Variants in SCN10A observed in about 807,000 individuals in gnomAD.
SCN10A encodes sodium voltage-gated channel alpha subunit 10.
SCN10A carries 162 observed loss-of-function variants against 170.7 expected under a neutral mutation model. That is an observed-to-expected ratio of 0.95 (90% CI 0.84 to 1.08). The LOEUF (loss-of-function observed/expected upper bound fraction) is 1.08, where lower values mean the gene tolerates loss of function less well. SCN10A is among the 50% of genes least tolerant of loss of function. The pLI, the probability that SCN10A is intolerant of heterozygous loss-of-function variation, is 0.00. For synonymous variants in SCN10A, 985 were observed against 904.6 expected (o/e 1.09, Z -1.59); for missense variants, 2,527 against 2,436.9 (o/e 1.04, Z -0.78).
At chr3:38,699,936 C>G (rs2063139465) in intron 27 of SCN10A, among the ~76,000 whole-genome samples, 1 of 152,096 alleles carries the variant, frequency 6.6e-6, no homozygotes, top group Non-Finnish European at 1.5e-5. Context: ...GGATTCCTGC[C>G]CCAGCGGATG....
intron 24 of SCN10A, 75 bp from the exon 25 acceptor site, chr3:38,709,690 G>A (rs1390363024): frequency 2.4e-5 from 33 of 1,348,370 alleles, no homozygotes; most frequent in Non-Finnish European, 2.6e-5. Flanking sequence ...CCAAGCCTAA[G>A]ACATGGACCT....
At chr3:38,741,654 A>T (rs2063633835) in intron 14 of SCN10A, among the ~76,000 whole-genome samples, 1 of 152,186 alleles carries the variant, frequency 6.6e-6, no homozygotes. Flanking sequence ...TATGGATTGT[A>T]TCTTGTTAAG....
chr3:38,698,244 G>T lies in SCN10A; in HGVS notation c.4976C>A (p.Thr1659Lys), dbSNP rs200761212. ...NSMLCLFQIT[T>K]SAGWDGLLSP... ...GAGGAGGCCATCCCAGCCGGCCGAC[G>T]TGGTAATCTGGAAGAGGCACAGCAT... The change falls in exon 28 of 28, where the codon ACG (threonine) becomes AAG (lysine). Residue 1659 changes from threonine (T) to lysine (K), a missense_variant. Coordinates refer to ENST00000449082, the MANE Select transcript of SCN10A (RefSeq NM_006514.4). The T allele has an allele frequency of 6.2e-7, 1 of 1,614,160 alleles. No individual in the cohort carries two copies. The highest frequency in any genetic ancestry group is 2.2e-5 in the East Asian group (1 of 44,878).
intron 4 of SCN10A, among the ~76,000 whole-genome samples, chr3:38,788,508 C>T (rs904961310): frequency 1.3e-5 from 2 of 151,856 alleles, no homozygotes; most frequent in South Asian, 4.1e-4. Context: ...GTTCTTAGTT[C>T]TGTCTCAGTT....
intron 2 of SCN10A, 142 bp from the exon 3 acceptor site, chr3:38,792,310 G>A: frequency 9.5e-7 from 1 of 1,053,020 alleles, no homozygotes; most frequent in Non-Finnish European, 1.4e-6. Flanking sequence ...AGAGTCAAAT[G>A]CAGGTACAGA....
rs765336626 is a variant in SCN10A at position 38,728,664 on chromosome 3, G to A, written c.2518C>T (p.Leu840Phe). 6.2e-7 allele frequency: 1 copy of A among 1,614,218 alleles called. No homozygotes were observed. The highest frequency in any genetic ancestry group is 8.5e-7 in the Non-Finnish European group (1 of 1,180,050). ...WHMHDFFHSF[L>F]IVFRILCGEW... ...CCACAGAGGATACGGAAGACAATGA[G>A]GAAAGAGTGGAAGAAGTCGTGCATG... is the stretch of plus-strand genomic sequence containing the variant. Residue 840 changes from leucine to phenylalanine, a missense_variant, in exon 16 of 28, where the codon CTC (leucine) becomes TTC (phenylalanine). Coordinates refer to ENST00000449082, the MANE Select transcript of SCN10A (RefSeq NM_006514.4).
At chr3:38,741,918 G>T (rs139603863) in intron 14 of SCN10A, among the ~76,000 whole-genome samples, 1 of 152,312 alleles carries the variant, frequency 6.6e-6, no homozygotes, top group East Asian at 1.9e-4. Flanking sequence ...CAAGTCCAAA[G>T]ATTGTCTTTA....
intron 1 of SCN10A, among the ~76,000 whole-genome samples, chr3:38,815,802 CTATATTTTCACCCT>C (rs1454281500): frequency 1.3e-5 from 2 of 152,170 alleles, no homozygotes; most frequent in Admixed American, 6.5e-5. Context: ...TTGGATTTAG[CTATATTTTCACCCT>C]TATCCTTCAG....
chr3:38,800,602 A>G (rs1185712702), intron 1 of SCN10A, among the ~76,000 whole-genome samples: 1 of 152,126 alleles, frequency 6.6e-6, no homozygotes, highest in Non-Finnish European at 1.5e-5. Flanking sequence ...CCTGGCACCA[A>G]GTGGCAGGTA....
chr3:38,809,521 G>A (rs1240191685), intron 1 of SCN10A, among the ~76,000 whole-genome samples: 1 of 152,174 alleles, frequency 6.6e-6, no homozygotes, highest in Non-Finnish European at 1.5e-5. Flanking sequence ...GTTGCCAATA[G>A]CCTACTGTGT....
At chr3:38,710,786 C>G in intron 24 of SCN10A, 58 bp downstream of exon 24, 1 of 1,522,880 alleles carries the variant, frequency 6.6e-7, no homozygotes, top group Non-Finnish European at 9.0e-7. Flanking sequence ...CAAATGCAGA[C>G]TGATATGGGT....
chr3:38,798,786 C>CTTTTTTTTT lies in SCN10A; in HGVS notation c.-32-4753_-32-4745dup, dbSNP rs35930968. ...AGCGATATTTGGTTCCCCTTGCCTC[C>CTTTTTTTTT]TTTTTTTTTTTTTTTTTTTTTGAGA... is the stretch of plus-strand genomic sequence containing the variant. On this transcript the variant is annotated intron_variant, in intron 1 of 27. Coordinates refer to ENST00000449082, the MANE Select transcript of SCN10A (RefSeq NM_006514.4). Among the ~76,000 whole-genome samples the CTTTTTTTTT allele has an allele frequency of 6.2e-3, 605 of 97,694 alleles. 19 individuals are homozygous for CTTTTTTTTT. The highest frequency in any genetic ancestry group is 0.014 in the Middle Eastern group (2 of 142). 64.1% of individuals were successfully genotyped at this position (97,694 alleles called of 152,430 possible).
chr3:38,739,608 C>T lies in SCN10A; in HGVS notation c.2187G>A (p.Trp729Ter). Reference sequence around the variant, plus strand: ...TGACGATGATGCAGTCAAAGATATTCCACTTCTTCTGGAAATAATAGTATG... The same window carrying T: ...TGACGATGATGCAGTCAAAGATATTTCACTTCTTCTGGAAATAATAGTATG... ...FDPYYYFQKK[W>*]NIFDCIIVTV... Residue 729 changes from tryptophan to a stop codon, truncating the protein, a stop_gained, in exon 15 of 28, where the codon TGG becomes TGA. Transcript: ENST00000449082. LOFTEE classifies it high-confidence loss of function. 6.2e-7 allele frequency: 1 copy of T among 1,614,126 alleles called. No homozygotes were observed. The highest frequency in any genetic ancestry group is 8.5e-7 in the Non-Finnish European group (1 of 1,179,958).
At chr3:38,805,122 C>G (rs1178099131) in intron 1 of SCN10A, among the ~76,000 whole-genome samples, 2 of 152,076 alleles carry the variant, frequency 1.3e-5, no homozygotes, top group African/African-American at 4.8e-5. Context: ...ACCAAAAGAA[C>G]AGGCCATGAT....
chr3:38,740,006 G>A (rs185745985), intron 14 of SCN10A, among the ~76,000 whole-genome samples: 23 of 152,300 alleles, frequency 1.5e-4, no homozygotes, highest in Admixed American at 1.4e-3. Flanking sequence ...GTCTGGTTCA[G>A]TAGTTAAAAC....
chr3:38,737,726 G>T (rs1247054056), intron 15 of SCN10A, among the ~76,000 whole-genome samples: 5 of 148,822 alleles, frequency 3.4e-5, no homozygotes, highest in Admixed American at 6.6e-5. Context: ...GCCATAGCTC[G>T]TCCTTCCCTC....
At chr3:38,735,619 T>G (rs2063552881) in intron 15 of SCN10A, among the ~76,000 whole-genome samples, 1 of 152,238 alleles carries the variant, frequency 6.6e-6, no homozygotes, top group Non-Finnish European at 1.5e-5. Context: ...GGCCAAGATA[T>G]TCTTGAAGTA....
intron 1 of SCN10A, among the ~76,000 whole-genome samples, chr3:38,809,756 T>C (rs2064427912): frequency 6.6e-6 from 1 of 152,172 alleles, no homozygotes; most frequent in African/African-American, 2.4e-5. Flanking sequence ...GTGTTCCTTA[T>C]TTTCGAGGCC....
chr3:38,716,672 A>T (rs2063337285), intron 21 of SCN10A, among the ~76,000 whole-genome samples: 1 of 152,210 alleles, frequency 6.6e-6, no homozygotes, highest in Non-Finnish European at 1.5e-5. Context: ...GATGGATAGG[A>T]TAGATAGTTG....
Sources: gnomAD v4.1 joint callset for allele counts (sites outside exome capture counted in the v4.1 genomes callset) on GRCh38, gnomAD v4.1.1 for gene constraint, MANE v1.5 for transcripts, NCBI Gene and HGNC (gene_info 2026-07-23, HGNC 2026-07-21) for gene names.